OR1J2: variants seen among roughly 807,000 people sequenced by gnomAD.
OR1J2 encodes the protein olfactory receptor 1J2.
For synonymous variants in OR1J2, 142 were observed against 99.7 expected (o/e 1.42, Z -2.52); for missense variants, 304 against 246.1 (o/e 1.24, Z -1.57).
chr9:122,469,589 A>C, the OR1J2 span, among the ~76,000 whole-genome samples: 300 of 152,368 alleles, frequency 2.0e-3, no homozygotes, highest in Non-Finnish European at 3.0e-3. Context: ...AAGATACCCG[A>C]AAATGTGGAA....
chr9:122,488,498 C>T, the OR1J2 span, among the ~76,000 whole-genome samples: 6 of 152,158 alleles, frequency 3.9e-5, 1 homozygote. Context: ...TGTTACTAGT[C>T]CCTGAGGATT....
chr9:122,491,982 T>C, the OR1J2 span, among the ~76,000 whole-genome samples: 2 of 152,302 alleles, frequency 1.3e-5, no homozygotes, highest in East Asian at 1.9e-4. Context: ...AAGAATTGAA[T>C]GTTTAGATTT....
At chr9:122,468,485 G>A in the OR1J2 span, among the ~76,000 whole-genome samples, 4 of 152,076 alleles carry the variant, frequency 2.6e-5, no homozygotes, top group Admixed American at 1.3e-4. Flanking sequence ...AAAGCTAAAG[G>A]AGAAATTGAT....
chr9:122,452,209 C>T, the OR1J2 span, among the ~76,000 whole-genome samples: 10 of 152,088 alleles, frequency 6.6e-5, no homozygotes, highest in African/African-American at 2.2e-4. Flanking sequence ...ACTCAGGTTC[C>T]AGGTATCACT....
chr9:122,513,424 C>A (rs574986224), downstream of OR1J2, among the ~76,000 whole-genome samples: 3 of 152,306 alleles, frequency 2.0e-5, no homozygotes, highest in African/African-American at 7.2e-5. Context: ...CATTCCATAA[C>A]CTTTCACCTA....
the OR1J2 span, among the ~76,000 whole-genome samples, chr9:122,495,060 A>G: frequency 6.6e-6 from 1 of 152,160 alleles, no homozygotes; most frequent in Non-Finnish European, 1.5e-5. Flanking sequence ...TCTGCTGTTA[A>G]TCTGATAGGT....
the OR1J2 span, among the ~76,000 whole-genome samples, chr9:122,536,551 A>G: frequency 6.6e-6 from 1 of 152,240 alleles, no homozygotes; most frequent in South Asian, 2.1e-4. Flanking sequence ...ACCAAACTTT[A>G]GATAGATATC....
the OR1J2 span, among the ~76,000 whole-genome samples, chr9:122,489,257 A>AC: frequency 6.6e-6 from 1 of 151,730 alleles, no homozygotes; most frequent in Admixed American, 6.6e-5. Context: ...AGACACACAC[A>AC]CCATTCCTTT....
At chr9:122,470,302 A>G in the OR1J2 span, among the ~76,000 whole-genome samples, 1 of 152,214 alleles carries the variant, frequency 6.6e-6, no homozygotes, top group Non-Finnish European at 1.5e-5. Flanking sequence ...AGGGGCCAAC[A>G]TAGAGCTCAG....
the OR1J2 span, among the ~76,000 whole-genome samples, chr9:122,557,378 T>A: frequency 6.6e-6 from 1 of 152,226 alleles, no homozygotes; most frequent in East Asian, 1.9e-4. Flanking sequence ...ATATCCTTTA[T>A]CTCTCTATTC....
chr9:122,475,624 A>G, the OR1J2 span: 1 of 152,114 alleles, frequency 6.6e-6, no homozygotes, highest in Non-Finnish European at 1.5e-5. Context: ...ATTGATTATT[A>G]TTATTATTTC....
At chr9:122,493,142 C>G in the OR1J2 span, among the ~76,000 whole-genome samples, 3 of 152,070 alleles carry the variant, frequency 2.0e-5, no homozygotes. Flanking sequence ...CTATGTTCAT[C>G]AGGGATATTG....
chr9:122,570,806 G>A, the OR1J2 span, among the ~76,000 whole-genome samples: 1 of 150,042 alleles, frequency 6.7e-6, no homozygotes, highest in African/African-American at 2.4e-5. Context: ...AGTAATTAAA[G>A]TCAATAATAT....
At chr9:122,460,962 T>G in the OR1J2 span, among the ~76,000 whole-genome samples, 1 of 152,210 alleles carries the variant, frequency 6.6e-6, no homozygotes, top group Non-Finnish European at 1.5e-5. Flanking sequence ...ACATTAATTT[T>G]CCATCCTGAA....
chr9:122,528,233 A>T, the OR1J2 span, among the ~76,000 whole-genome samples: 4 of 152,232 alleles, frequency 2.6e-5, no homozygotes, highest in African/African-American at 9.6e-5. Context: ...CTGAAAGATC[A>T]CCTGGCCCAG....
At chr9:122,531,104 C>T in the OR1J2 span, among the ~76,000 whole-genome samples, 7 of 151,850 alleles carry the variant, frequency 4.6e-5, no homozygotes, top group Non-Finnish European at 8.8e-5. Flanking sequence ...AGATAATGGG[C>T]GATGTTTCTC....
chr9:122,579,449 T>G, the OR1J2 span, among the ~76,000 whole-genome samples: 19 of 152,268 alleles, frequency 1.2e-4, no homozygotes, highest in Non-Finnish European at 2.1e-4. Flanking sequence ...TAAGAGAGAA[T>G]TGAAGTCATT....
the OR1J2 span, chr9:122,519,364 C>T: frequency 1.2e-6 from 2 of 1,614,170 alleles, no homozygotes; most frequent in Non-Finnish European, 8.5e-7. Context: ...TCCCTTTCAT[C>T]TGTCACTGTC....
the OR1J2 span, among the ~76,000 whole-genome samples, chr9:122,495,625 C>G: frequency 4.6e-5 from 7 of 152,118 alleles, no homozygotes; most frequent in East Asian, 1.4e-3. Flanking sequence ...AGTTGCACTT[C>G]ACCTTTCTCT....
Sources: allele counts gnomAD v4.1 joint callset (sites outside exome capture counted in the v4.1 genomes callset), GRCh38; gene constraint gnomAD v4.1.1; transcripts MANE v1.5; gene names NCBI Gene and HGNC (gene_info 2026-07-23, HGNC 2026-07-21).